Variants in DHRS12 observed in about 807,000 individuals in gnomAD.
The protein encoded by DHRS12 is dehydrogenase/reductase 12.
Under a neutral mutation model 32.1 loss-of-function variants are expected in DHRS12, and 29 were observed. The observed-to-expected ratio is 0.90, with a 90% CI of 0.67 to 1.23. The LOEUF (loss-of-function observed/expected upper bound fraction) is 1.23. Ranked by LOEUF, DHRS12 falls within the 50% of genes most tolerant of loss-of-function variation. The pLI is 0.00. For synonymous variants in DHRS12, 150 were observed against 135.9 expected (o/e 1.10, Z -0.72); for missense variants, 330 against 337.2 (o/e 0.98, Z 0.17).
intron 4 of DHRS12, among the ~76,000 whole-genome samples, chr13:51,786,862 G>A (rs1954982364): frequency 1.3e-5 from 2 of 152,150 alleles, no homozygotes; most frequent in South Asian, 4.1e-4. Flanking sequence ...TTAGAAAATA[G>A]AAAACAACCT....
At chr13:51,796,902 T>C (rs1385193486) in intron 2 of DHRS12, among the ~76,000 whole-genome samples, 3 of 152,160 alleles carry the variant, frequency 2.0e-5, no homozygotes, top group Non-Finnish European at 4.4e-5. Flanking sequence ...AACAGACACT[T>C]GGTGTGAAAA....
At chr13:51,798,602 C>T (rs1316152039) in intron 2 of DHRS12, among the ~76,000 whole-genome samples, 1 of 152,182 alleles carries the variant, frequency 6.6e-6, no homozygotes, top group Non-Finnish European at 1.5e-5. Context: ...TCCTCCTCTC[C>T]GCACTTCAGA....
the DHRS12 span, chr13:51,761,307 G>A: frequency 5.3e-5 from 8 of 152,180 alleles, no homozygotes; most frequent in Non-Finnish European, 2.9e-5. Context: ...TGTGTGTAGT[G>A]ATTCAGCTCA....
In DHRS12 at chr13:51,791,248, GA is replaced by G; in HGVS notation, c.135del (p.Leu46CysfsTer28). 2.2e-6 allele frequency: 3 copies of G among 1,334,560 alleles called. No individual in the cohort carries two copies. The highest frequency in any genetic ancestry group is 2.8e-5 in the East Asian group (1 of 35,334). The allele number at this position is 1,334,560 out of a possible 1,614,324, so 82.7% of individuals were successfully genotyped here. A position where few individuals can be genotyped will look rare whatever the true frequency, so the allele number is the denominator to read the frequency against. On this transcript the variant is annotated frameshift_variant, in exon 3 of 9. Coordinates refer to ENST00000444610, the MANE Select transcript of DHRS12 (RefSeq NM_001377533.1). LOFTEE classifies it high-confidence loss of function. Reference sequence around the variant, plus strand: ...GGATCAGACAAGTCCACAATGTGCAGAAAAATGTTCTAAATTAGAAAGCAAA... The same window carrying G: ...GGATCAGACAAGTCCACAATGTGCAGAAAATGTTCTAAATTAGAAAGCAAA... ...LPLKSPSENI[F>X]LHIVDLSDPK...
intron 2 of DHRS12, 30 bp from the exon 3 acceptor site, chr13:51,791,287 C>G (rs1955258063): frequency 1.7e-6 from 2 of 1,164,220 alleles, no homozygotes; most frequent in Non-Finnish European, 2.4e-6. Context: ...AAAAAAAAAC[C>G]CTTTTTAAAA....
At chr13:51,769,083 A>G in intron 8 of DHRS12, 73 bp downstream of exon 8, 2 of 1,543,560 alleles carry the variant, frequency 1.3e-6, no homozygotes, top group Non-Finnish European at 1.7e-6. Context: ...ACGGAGGGGA[A>G]GGTGCGCCTC....
intron 4 of DHRS12, among the ~76,000 whole-genome samples, chr13:51,789,163 C>T (rs890030369): frequency 1.3e-5 from 2 of 152,106 alleles, no homozygotes; most frequent in African/African-American, 4.8e-5. Flanking sequence ...TATTGGACAC[C>T]CTCAATGACT....
At chr13:51,790,700 C>T (rs1347819056) in intron 3 of DHRS12, among the ~76,000 whole-genome samples, 1 of 152,124 alleles carries the variant, frequency 6.6e-6, no homozygotes, top group Non-Finnish European at 1.5e-5. Context: ...AGCAACTTAG[C>T]TCCAAGTAGA....
At chr13:51,791,096 G>A (rs562833224) in intron 3 of DHRS12, 69 bp downstream of exon 3, 439 of 1,106,318 alleles carry the variant, frequency 4.0e-4, no homozygotes, top group Non-Finnish European at 5.0e-4. Context: ...ATACATATCC[G>A]TCCACATCCA....
At chr13:51,801,098 A>T (rs1199404597) in intron 1 of DHRS12, among the ~76,000 whole-genome samples, 3 of 152,146 alleles carry the variant, frequency 2.0e-5, no homozygotes, top group Non-Finnish European at 4.4e-5. Context: ...GAATAATAAG[A>T]GATACCTCTT....
intron 3 of DHRS12, among the ~76,000 whole-genome samples, chr13:51,790,415 TAAAAAGG>T (rs1189247007): frequency 3.7e-4 from 57 of 152,270 alleles, no homozygotes; most frequent in Non-Finnish European, 6.9e-4. Context: ...GTAGCCACAT[TAAAAAGG>T]TAGTAAGAAA....
chr13:51,778,658 C>T (rs1954557868), intron 4 of DHRS12, among the ~76,000 whole-genome samples: 1 of 151,996 alleles, frequency 6.6e-6, no homozygotes, highest in Admixed American at 6.6e-5. Context: ...GCGAAGGGCA[C>T]CTCCTCTCTC....
At chr13:51,756,719 T>G in the DHRS12 span, 2 of 872,780 alleles carry the variant, frequency 2.3e-6, no homozygotes, top group Middle Eastern at 5.8e-4. Context: ...TTAAATTAGC[T>G]GCTCCCAGAA....
downstream of DHRS12, chr13:51,765,637 C>T (rs1403101752): frequency 6.6e-6 from 1 of 152,200 alleles, no homozygotes; most frequent in Non-Finnish European, 1.5e-5. Context: ...GCTGGCTTCC[C>T]TTGGATAACG....
rs375001505 is a variant in DHRS12, at chr13:51,773,974, C to G, written c.424G>C (p.Glu142Gln). Reference sequence around the variant, plus strand: ...ATAGTTCCATCAAATGGTGTTCTTTCGGACTGGAGATCATTGGTGTTCAGT... The same window carrying G: ...ATAGTTCCATCAAATGGTGTTCTTTGGGACTGGAGATCATTGGTGTTCAGT... ...QKLNTNDLQSERTPFDGTMVY... is the reference protein window; with the variant it reads ...QKLNTNDLQSQRTPFDGTMVY... The change falls in exon 6 of 9, where the codon GAA becomes CAA. Residue 142 changes from glutamate to glutamine, a missense_variant. Physicochemically the swap from Glu to Gln is conservative, Grantham distance 29. Transcript: ENST00000444610. 4.3e-6 allele frequency: 7 copies of G among 1,614,104 alleles called. No homozygotes were observed. Among genetic ancestry groups the G allele is most frequent in the Non-Finnish European group, 5.1e-6 (6 of 1,179,966 alleles).
rs571976186 is a variant in DHRS12, at chr13:51,771,791, G to A, written c.559+30C>T. On this transcript the variant is annotated intron_variant, in intron 7 of 8. Coordinates refer to ENST00000444610, the MANE Select transcript of DHRS12 (RefSeq NM_001377533.1). ...TCAGGTATTTTTAGATGAAACGTAAGTGGCTCAGCAATTAAAGGCTATGAC... is the reference window on the plus strand; with the variant it reads ...TCAGGTATTTTTAGATGAAACGTAAATGGCTCAGCAATTAAAGGCTATGAC... The A allele has an allele frequency of 4.2e-5, 67 of 1,611,480 alleles. No individual in the cohort carries two copies. In the South Asian group the frequency reaches 5.2e-4, roughly 12 times the overall value.
intron 4 of DHRS12, among the ~76,000 whole-genome samples, chr13:51,779,212 G>A (rs1157642381): frequency 6.6e-6 from 1 of 152,160 alleles, no homozygotes; most frequent in African/African-American, 2.4e-5. Flanking sequence ...TAACACGTGA[G>A]CCAACATCAC....
At chr13:51,777,178 T>C (rs1954469854) in intron 4 of DHRS12, 57 bp from the exon 5 acceptor site, 5 of 1,602,414 alleles carry the variant, frequency 3.1e-6, no homozygotes, top group Non-Finnish European at 4.3e-6. Context: ...ACTCAAGGGG[T>C]CCTGCAGGAC....
At chr13:51,765,955 G>C (rs966287970), downstream of DHRS12, 2 of 152,102 alleles carry the variant, frequency 1.3e-5, no homozygotes, top group Non-Finnish European at 2.9e-5. Context: ...ATCTGACCTT[G>C]TTACTTATGA....
Sources: allele counts gnomAD v4.1 joint callset (sites outside exome capture counted in the v4.1 genomes callset), GRCh38; gene constraint gnomAD v4.1.1; transcripts MANE v1.5; gene names NCBI Gene and HGNC (gene_info 2026-07-23, HGNC 2026-07-21).